The following BCL9 variants were observed in gnomAD, a reference collection of about 807,000 sequenced individuals.
BCL9 encodes BCL9 transcription coactivator.
BCL9 carries 25 observed loss-of-function variants against 88.5 expected under a neutral mutation model. The ratio of observed to expected loss-of-function variants is 0.28; its 90% CI spans 0.21 to 0.39. BCL9 has a LOEUF of 0.39. Ranked by LOEUF, BCL9 falls within the 10% of genes least tolerant of loss-of-function variation. The pLI is 1.00. For missense variants in BCL9, 1,817 were observed against 1,877.8 expected, an observed-to-expected ratio of 0.97 and a Z score of 0.60; for synonymous variants, 711 against 673.3, an observed-to-expected ratio of 1.06 and a Z score of -0.87.
At chr1:147,582,529 G>A (rs115212273) in intron 1 of BCL9, among the ~76,000 whole-genome samples, 2 of 152,282 alleles carry the variant, frequency 1.3e-5, no homozygotes, top group African/African-American at 2.4e-5. Context: ...TTCTAGTACA[G>A]GGTGGCAAAC....
chr1:147,543,951 T>G (rs1654442573), intron 1 of BCL9, among the ~76,000 whole-genome samples: 1 of 152,224 alleles, frequency 6.6e-6, no homozygotes, highest in Non-Finnish European at 1.5e-5. Context: ...GCCCTGCTCA[T>G]GTCATCAAAT....
chr1:147,550,450 C>A (rs1553194706), intron 1 of BCL9, among the ~76,000 whole-genome samples: 1 of 151,976 alleles, frequency 6.6e-6, no homozygotes, highest in Non-Finnish European at 1.5e-5. Flanking sequence ...AGAACAATGG[C>A]AAATTTATAA....
At chr1:147,618,679 G>A in intron 7 of BCL9, 137 bp from the exon 8 acceptor site, 1 of 816,912 alleles carries the variant, frequency 1.2e-6, no homozygotes, top group South Asian at 3.3e-5. Flanking sequence ...AAAGAGGGTT[G>A]TACGTGAGCA....
intron 1 of BCL9, among the ~76,000 whole-genome samples, chr1:147,586,630 G>GCCT (rs1377264211): frequency 6.6e-6 from 1 of 152,118 alleles, no homozygotes; most frequent in Non-Finnish European, 1.5e-5. Flanking sequence ...CCCTTAATAG[G>GCCT]CCTCCATGTG....
intron 1 of BCL9, among the ~76,000 whole-genome samples, chr1:147,594,482 A>C (rs1486057709): frequency 6.6e-6 from 1 of 152,222 alleles, no homozygotes; most frequent in East Asian, 1.9e-4. Context: ...AGCTGAGTAG[A>C]TAGAAATGCA....
At chr1:147,580,794 A>G (rs1553198563) in intron 1 of BCL9, among the ~76,000 whole-genome samples, 3 of 152,212 alleles carry the variant, frequency 2.0e-5, no homozygotes, top group Non-Finnish European at 1.5e-5. Context: ...AATTATTAGT[A>G]GCTCCATTCC....
At chr1:147,549,155 T>G (rs1654769165) in intron 1 of BCL9, among the ~76,000 whole-genome samples, 3 of 151,996 alleles carry the variant, frequency 2.0e-5, no homozygotes. Context: ...TTTTGTATAT[T>G]TAGTAGAGAC....
chr1:147,578,429 C>A (rs1656206771), intron 1 of BCL9, among the ~76,000 whole-genome samples: 1 of 152,080 alleles, frequency 6.6e-6, no homozygotes, highest in Non-Finnish European at 1.5e-5. Flanking sequence ...TACCTTGATG[C>A]TATGTGTATA....
At chr1:147,562,713 T>C (rs1655432318) in intron 1 of BCL9, among the ~76,000 whole-genome samples, 2 of 152,268 alleles carry the variant, frequency 1.3e-5, no homozygotes, top group East Asian at 3.9e-4. Context: ...GGCAAAATAA[T>C]GATGCTCTTA....
chr1:147,564,568 A>AAT (rs1655522479), intron 1 of BCL9, among the ~76,000 whole-genome samples: 1 of 152,142 alleles, frequency 6.6e-6, no homozygotes, highest in Admixed American at 6.5e-5. Context: ...AAAATGAGGA[A>AAT]ATATTTCTTC....
rs782431597 is a variant in BCL9 at position 147,625,789 on chromosome 1, T to C, written c.*830T>C. The C allele has an allele frequency of 4.7e-5, 11 of 232,668 alleles. No homozygotes were observed. The Admixed American group carries it at 6.2e-4, about 13-fold the overall frequency. The allele number at this position is 232,668 out of a possible 1,614,324, so 14.4% of individuals were successfully genotyped here. On this transcript the variant is annotated 3_prime_UTR_variant, in exon 10 of 10. Coordinates refer to ENST00000234739, the MANE Select transcript of BCL9 (RefSeq NM_004326.4). ...GTGCCCCCCGCTGGTGACCCTCTGC[T>C]TCCCTCTCTCTTTCCCTTTGGCAGC...
chr1:147,592,406 C>A (rs1216142752), intron 1 of BCL9, among the ~76,000 whole-genome samples: 1 of 152,192 alleles, frequency 6.6e-6, no homozygotes, highest in African/African-American at 2.4e-5. Context: ...GAGAGTTCTC[C>A]AAGCTTCAAA....
chr1:147,592,140 G>C (rs1199864864), intron 1 of BCL9, among the ~76,000 whole-genome samples: 1 of 152,334 alleles, frequency 6.6e-6, no homozygotes, highest in African/African-American at 2.4e-5. Flanking sequence ...TGAATCAAGA[G>C]TGATCCTGAG....
chr1:147,613,325 A>G, intron 5 of BCL9, 126 bp downstream of exon 5: 1 of 892,216 alleles, frequency 1.1e-6, no homozygotes, highest in South Asian at 1.7e-5. Context: ...CAGATTCATG[A>G]GTTCTCACAG....
chr1:147,617,620 A>G (rs1002568260), intron 7 of BCL9, among the ~76,000 whole-genome samples: 2 of 152,220 alleles, frequency 1.3e-5, no homozygotes, highest in African/African-American at 2.4e-5. Context: ...GTGCTCAAAG[A>G]TATGTTTTCA....
chr1:147,589,491 G>A (rs781942187), intron 1 of BCL9, among the ~76,000 whole-genome samples: 28 of 152,178 alleles, frequency 1.8e-4, no homozygotes, highest in Admixed American at 7.2e-4. Flanking sequence ...ATTTGCAGTC[G>A]ATCCCCATTC....
Position 147,615,864 on chromosome 1 carries a change from A to G in BCL9, c.622A>G (p.Ile208Val), listed in dbSNP as rs782577576. The G allele has an allele frequency of 1.9e-6, 3 of 1,614,100 alleles. No individual in the cohort carries two copies. In the Admixed American group the frequency reaches 5.0e-5, roughly 27 times the overall value. The change falls in exon 7 of 10, where the codon ATT becomes GTT. Residue 208 changes from isoleucine (I) to valine (V), a missense_variant. Physicochemically the swap from Ile to Val is conservative, Grantham distance 29. Coordinates refer to ENST00000234739, the MANE Select transcript of BCL9 (RefSeq NM_004326.4). Reference sequence around the variant, plus strand: ...TATCGTCTCTTTCCACATCCAGAACATTTCTAACAACAAGACAGAGAGAAG... The same window carrying G: ...TATCGTCTCTTTCCACATCCAGAACGTTTCTAACAACAAGACAGAGAGAAG... ...ETIVSFHIQN[I>V]SNNKTERSTA...
intron 1 of BCL9, among the ~76,000 whole-genome samples, chr1:147,580,019 C>G (rs1656291864): frequency 6.6e-6 from 1 of 152,166 alleles, no homozygotes; most frequent in African/African-American, 2.4e-5. Context: ...CTCTGATGTT[C>G]TCATTCATTT....
chr1:147,613,032 G>A lies in BCL9; in HGVS notation c.203G>A (p.Ser68Asn). 1 of 1,608,180 alleles carries A rather than the reference G, an allele frequency of 6.2e-7. No individual in the cohort carries two copies. The highest frequency in any genetic ancestry group is 1.1e-5 in the South Asian group (1 of 90,444). The change falls in exon 5 of 10, where the codon AGT becomes AAT. Residue 68 changes from serine to asparagine, a missense_variant. Transcript: ENST00000234739. ...QSQPSPCDSK[S>N]GGHTPKALPG... is the part of the protein sequence containing the mutation. ...CAGCCATCCCCCTGTGACTCCAAGAGTGGGGGCCATACCCCTAAAGCACTC... is the reference window on the plus strand; with the variant it reads ...CAGCCATCCCCCTGTGACTCCAAGAATGGGGGCCATACCCCTAAAGCACTC...
Sources: allele counts gnomAD v4.1 joint callset (sites outside exome capture counted in the v4.1 genomes callset), GRCh38; gene constraint gnomAD v4.1.1; transcripts MANE v1.5; gene names NCBI Gene and HGNC (gene_info 2026-07-23, HGNC 2026-07-21).